UNC5D: variants seen among roughly 807,000 people sequenced by gnomAD.
The protein encoded by UNC5D is unc-5 netrin receptor D, also known as netrin receptor UNC5D.
A neutral mutation model predicts 105.4 loss-of-function variants in UNC5D; 39 were observed. The ratio of observed to expected loss-of-function variants is 0.37; its 90% CI spans 0.29 to 0.48. The LOEUF (loss-of-function observed/expected upper bound fraction) is 0.48. Ranked by LOEUF, UNC5D falls within the 20% of genes least tolerant of loss-of-function variation. The probability of loss-of-function intolerance (pLI) is 0.98; values close to 1 mark genes in which losing one functional copy is unlikely to be tolerated. For synonymous variants in UNC5D, 452 were observed against 450.4 expected, an observed-to-expected ratio of 1.00 and a Z score of -0.04; for missense variants, 991 against 1,202.4, an observed-to-expected ratio of 0.82 and a Z score of 2.60.
At chr8:35,504,149 G>A (rs1010046780) in intron 1 of UNC5D, among the ~76,000 whole-genome samples, 1 of 152,152 alleles carries the variant, frequency 6.6e-6, no homozygotes, top group Non-Finnish European at 1.5e-5. Flanking sequence ...ACTCACGGGG[G>A]TTTGATGAGA....
At chr8:35,370,546 C>T (rs1265683801) in intron 1 of UNC5D, among the ~76,000 whole-genome samples, 3 of 152,044 alleles carry the variant, frequency 2.0e-5, no homozygotes, top group Non-Finnish European at 4.4e-5. Flanking sequence ...TTATGGTTCA[C>T]TTATATTTGT....
chr8:35,519,606 A>T (rs1813326210), intron 1 of UNC5D, among the ~76,000 whole-genome samples: 1 of 152,158 alleles, frequency 6.6e-6, no homozygotes, highest in Non-Finnish European at 1.5e-5. Flanking sequence ...TTCATAGCAG[A>T]ATTATTTCAA....
At chr8:35,552,128 T>C (rs1163346539) in intron 2 of UNC5D, among the ~76,000 whole-genome samples, 3 of 152,134 alleles carry the variant, frequency 2.0e-5, no homozygotes, top group Non-Finnish European at 4.4e-5. Context: ...AAAACAAAAG[T>C]GCCCCTTTTA....
chr8:35,632,725 C>T (rs1331004837), intron 4 of UNC5D, among the ~76,000 whole-genome samples: 4 of 152,202 alleles, frequency 2.6e-5, no homozygotes, highest in African/African-American at 9.7e-5. Flanking sequence ...TGTGCCCACA[C>T]TTGCGGACAT....
chr8:35,779,679 C>T (rs987735118), intron 16 of UNC5D, among the ~76,000 whole-genome samples: 1 of 152,158 alleles, frequency 6.6e-6, no homozygotes, highest in Non-Finnish European at 1.5e-5. Context: ...TGGTCTCAAA[C>T]TCCTGGCCTC....
At chr8:35,645,900 G>A (rs968951804) in intron 4 of UNC5D, among the ~76,000 whole-genome samples, 6 of 151,544 alleles carry the variant, frequency 4.0e-5, no homozygotes, top group Non-Finnish European at 8.8e-5. Context: ...AGTGAAGTCT[G>A]TGTGTGTTCC....
chr8:35,248,245 A>G (rs1457992287), intron 1 of UNC5D, among the ~76,000 whole-genome samples: 1 of 92,750 alleles, frequency 1.1e-5, no homozygotes, highest in Admixed American at 1.5e-4. Context: ...AAAATATATA[A>G]TATATAAATA....
intron 7 of UNC5D, among the ~76,000 whole-genome samples, chr8:35,695,971 G>A (rs924234519): frequency 9.2e-5 from 14 of 152,050 alleles, no homozygotes; most frequent in African/African-American, 2.7e-4. Context: ...CTGACCTCAG[G>A]TGATCCACCC....
chr8:35,423,154 A>G (rs1402836361), intron 1 of UNC5D, among the ~76,000 whole-genome samples: 2 of 152,202 alleles, frequency 1.3e-5, no homozygotes, highest in Non-Finnish European at 2.9e-5. Context: ...GTGCATGGAG[A>G]ACAGGTCTTA....
chr8:35,508,875 T>C (rs992791434), intron 1 of UNC5D, among the ~76,000 whole-genome samples: 1 of 152,242 alleles, frequency 6.6e-6, no homozygotes, highest in Non-Finnish European at 1.5e-5. Flanking sequence ...AATTCTAGCA[T>C]CTTTAGAAAA....
intron 4 of UNC5D, among the ~76,000 whole-genome samples, chr8:35,625,094 C>T (rs1397925914): frequency 1.3e-5 from 2 of 152,166 alleles, no homozygotes; most frequent in Non-Finnish European, 2.9e-5. Flanking sequence ...ATCACCATTT[C>T]GTTTTCAGCC....
At chr8:35,296,145 G>C (rs566559123) in intron 1 of UNC5D, among the ~76,000 whole-genome samples, 3 of 152,254 alleles carry the variant, frequency 2.0e-5, no homozygotes, top group Non-Finnish European at 4.4e-5. Flanking sequence ...ATACCTCTTT[G>C]AGTTATTCCT....
At chr8:35,338,898 T>C (rs1383844933) in intron 1 of UNC5D, among the ~76,000 whole-genome samples, 1 of 152,134 alleles carries the variant, frequency 6.6e-6, no homozygotes, top group Admixed American at 6.6e-5. Flanking sequence ...TTAATTCCAC[T>C]CTAGGTTCCC....
At chr8:35,304,640 A>G (rs1000885206) in intron 1 of UNC5D, among the ~76,000 whole-genome samples, 7 of 152,008 alleles carry the variant, frequency 4.6e-5, no homozygotes, top group Admixed American at 4.6e-4. Context: ...GAAAAAAAAG[A>G]AGAGTGAATA....
At chr8:35,303,171 C>A (rs905812457) in intron 1 of UNC5D, among the ~76,000 whole-genome samples, 2 of 151,846 alleles carry the variant, frequency 1.3e-5, no homozygotes, top group African/African-American at 4.8e-5. Context: ...CTACATAGAG[C>A]ACATCTCAAT....
Position 35,774,337 on chromosome 8 carries a change from C to T in UNC5D, c.2517C>T (p.Asp839=), listed in dbSNP as rs763372158. The T allele has an allele frequency of 3.7e-6, 6 of 1,613,924 alleles. No homozygotes were observed. Among genetic ancestry groups the T allele is most frequent in the Admixed American group, 1.7e-5 (1 of 59,988 alleles). Residue 839 remains aspartate (D), a synonymous_variant, in exon 16 of 17, where the codon GAC becomes GAT. Transcript: ENST00000404895. ...RETITFFAQE[D]STFPAQTGPK... ...CCATCACTTTCTTCGCACAAGAGGA[C>T]AGCACTTTCCCTGCACAGACTGGCC... is the stretch of plus-strand genomic sequence containing the variant.
intron 1 of UNC5D, among the ~76,000 whole-genome samples, chr8:35,403,921 A>G (rs1294102037): frequency 6.6e-6 from 1 of 152,090 alleles, no homozygotes; most frequent in East Asian, 1.9e-4. Flanking sequence ...CTCCACTGAC[A>G]TTCTCTCCAT....
At chr8:35,248,762 T>G (rs1297784087) in intron 1 of UNC5D, among the ~76,000 whole-genome samples, 1 of 97,684 alleles carries the variant, frequency 1.0e-5, no homozygotes, top group African/African-American at 4.4e-5. Context: ...TAAATATATA[T>G]AATATATTAT....
rs71215633 is a variant in UNC5D, at chr8:35,512,539, GTATATATA to G, written c.104-36729_104-36722del. Among the ~76,000 whole-genome samples, 21 of 40,278 alleles carry G rather than the reference GTATATATA, an allele frequency of 5.2e-4. 2 individuals carry two copies. The highest frequency in any genetic ancestry group is 4.0e-3 in the South Asian group (4 of 1,008). 26.4% of individuals were successfully genotyped at this position (40,278 alleles called of 152,430 possible). A position where few individuals can be genotyped will look rare whatever the true frequency, so the allele number is the denominator to read the frequency against. ...ATAGATTATATATTCAGATATGTAT[GTATATATA>G]TATATATATATATATATATATATCT... On this transcript the variant is annotated intron_variant, in intron 1 of 16. Transcript: ENST00000404895.
Sources: allele counts gnomAD v4.1 joint callset (sites outside exome capture counted in the v4.1 genomes callset), GRCh38; gene constraint gnomAD v4.1.1; transcripts MANE v1.5; gene names NCBI Gene and HGNC (gene_info 2026-07-23, HGNC 2026-07-21).